ACIN1: variants seen among roughly 807,000 people sequenced by gnomAD.
ACIN1 encodes the protein apoptotic chromatin condensation inducer 1.
A neutral mutation model predicts 146.6 loss-of-function variants in ACIN1; 16 were observed. The observed-to-expected ratio is 0.11, with a 90% confidence interval of 0.07 to 0.17. The LOEUF is 0.17. Among genes scored for constraint, ACIN1 ranks in the 10% least tolerant of loss-of-function variants. ACIN1 has a pLI of 1.00. For synonymous variants in ACIN1, 569 were observed against 582.7 expected, an observed-to-expected ratio of 0.98 and a Z score of 0.34; for missense variants, 1,357 against 1,609.3, an observed-to-expected ratio of 0.84 and a Z score of 2.68.
At chr14:23,093,224 G>A (rs1308748766) in intron 2 of ACIN1, among the ~76,000 whole-genome samples, 3 of 152,168 alleles carry the variant, frequency 2.0e-5, no homozygotes, top group Non-Finnish European at 4.4e-5. Context: ...CGTAATTAAT[G>A]GAAGCCACAC....
rs539463149 is a variant in ACIN1, at chr14:23,071,744, A to AC, written c.2124-2128dup. 129 of 503,500 alleles carry AC rather than the reference A, an allele frequency of 2.6e-4. No individual in the cohort carries two copies. In the East Asian group the frequency reaches 3.1e-3, roughly 12 times the overall value. 31.2% of individuals were successfully genotyped at this position (503,500 alleles called of 1,614,324 possible). A position where few individuals can be genotyped will look rare whatever the true frequency, so the allele number is the denominator to read the frequency against. ...AAGTTACAGCAGCTACAGAGGCTTA[A>AC]CCCCCCAGGGCTGGAGTGCTCCCTC... On this transcript the variant is annotated intron_variant, in intron 8 of 18. Transcript: ENST00000605057.
intron 8 of ACIN1, 54 bp from the exon 9 acceptor site, chr14:23,069,671 AAG>A (rs955946087): frequency 3.3e-6 from 5 of 1,535,402 alleles, no homozygotes; most frequent in South Asian, 1.2e-5. Context: ...AACCAAGGGG[AAG>A]AGAGAGCAAG....
Position 23,064,122 on chromosome 14 carries a change from A to G in ACIN1, c.2578T>C (p.Cys860Arg). The change falls in exon 12 of 19, where the codon TGC (cysteine) becomes CGC (arginine). Residue 860 changes from cysteine to arginine, a missense_variant. Cys to Arg is a radical substitution (Grantham distance 180, BLOSUM62 -3). This residue lies in a region of ACIN1 where 509 missense variants were observed against 719.6 expected (regional missense o/e 0.71). Coordinates refer to ENST00000605057, the MANE Select transcript of ACIN1 (RefSeq NM_001386863.1). Reference protein sequence around the residue: ...DGTHDKGLKICRTVTQVVPAE... With the variant: ...DGTHDKGLKIRRTVTQVVPAE... ...AGCCTTACCTGAGTGACTGTCCGGC[A>G]TATTTTCAGCCCCTTGTCATGGGTC... The G allele has an allele frequency of 6.2e-7, 1 of 1,614,148 alleles. No individual in the cohort carries two copies. Among genetic ancestry groups the G allele is most frequent in the Non-Finnish European group, 8.5e-7 (1 of 1,180,034 alleles).
rs533291649 is a variant in ACIN1 at position 23,081,677 on chromosome 14, A to G, written c.525+71T>C. ...AAATGTAGAGACATACAAACTCAAA[A>G]CAAGTCTGAAGAAGAGAAGATATCC... On this transcript the variant is annotated intron_variant, in intron 5 of 18. Transcript: ENST00000605057. 8.9e-6 allele frequency: 12 copies of G among 1,348,000 alleles called. 1 individual carries two copies. In the East Asian group the frequency reaches 2.6e-4, roughly 29 times the overall value. The allele number at this position is 1,348,000 out of a possible 1,614,324, so 83.5% of individuals were successfully genotyped here. A position where few individuals can be genotyped will look rare whatever the true frequency, so the allele number is the denominator to read the frequency against.
chr14:23,067,444 G>A lies in ACIN1; in HGVS notation c.2266-1436C>T, dbSNP rs955479478. 4.1e-6 allele frequency: 4 copies of A among 985,162 alleles called. No individual in the cohort carries two copies. Among genetic ancestry groups the A allele is most frequent in the Non-Finnish European group, 4.8e-6 (4 of 829,880 alleles). The allele number at this position is 985,162 out of a possible 1,614,324, so 61.0% of individuals were successfully genotyped here. A position where few individuals can be genotyped will look rare whatever the true frequency, so the allele number is the denominator to read the frequency against. On this transcript the variant is annotated intron_variant, in intron 9 of 18. Coordinates refer to ENST00000605057, the MANE Select transcript of ACIN1 (RefSeq NM_001386863.1). This position sits in a 1 kb window ranked among gnomAD's most constrained non-coding sequence, Gnocchi z 4.6. ...GGGGGTTGGGTTGGCAAAAAAGGTG[G>A]GCGCACGGCGTGGTAGTCAGCACGG...
chr14:23,091,556 C>G (rs1212321111), intron 2 of ACIN1, among the ~76,000 whole-genome samples: 1 of 139,798 alleles, frequency 7.2e-6, no homozygotes, highest in Non-Finnish European at 1.5e-5. Flanking sequence ...AAGAGCAAGA[C>G]TCCATCTCAA....
intron 1 of ACIN1, chr14:23,094,637 A>G: frequency 2.4e-6 from 2 of 843,918 alleles, no homozygotes; most frequent in South Asian, 3.2e-5. Flanking sequence ...GCAACGCCGT[A>G]GGTTGTAGTG....
chr14:23,064,364 T>G lies in ACIN1; in HGVS notation c.2433A>C (p.Glu811Asp). Residue 811 changes from glutamate (E) to aspartate (D), a missense_variant, in exon 11 of 19, where the codon GAA (glutamate) becomes GAC (aspartate). By Grantham distance (45) the Glu-to-Asp change is conservative. Coordinates refer to ENST00000605057, the MANE Select transcript of ACIN1 (RefSeq NM_001386863.1). ...QKKPSISITT[E>D]SLKSLIPDIK... is the part of the protein sequence containing the mutation. ...GCTCCTCCCACCTCACCTTTAGTGA[T>G]TCAGTGGTGATACTGATGGAAGGTT... 1 of 1,614,266 alleles carries G rather than the reference T, an allele frequency of 6.2e-7. No individual in the cohort carries two copies. The highest frequency in any genetic ancestry group is 8.5e-7 in the Non-Finnish European group (1 of 1,180,046).
intron 7 of ACIN1, 122 bp from the exon 8 acceptor site, chr14:23,078,388 C>A: frequency 1.5e-6 from 1 of 661,578 alleles, no homozygotes; most frequent in Non-Finnish European, 2.6e-6. Context: ...CACACACGGC[C>A]CTCTGTATCT....
At position 23,066,027 on chromosome 14, in the gene ACIN1, G is replaced by C; in HGVS notation, c.2266-19C>G. 6.2e-7 allele frequency: 1 copy of C among 1,610,882 alleles called. No individual in the cohort carries two copies. Among genetic ancestry groups the C allele is most frequent in the South Asian group, 1.1e-5 (1 of 90,762 alleles). The stretch of plus-strand genomic sequence containing the variant: ...GCGAGCTCTGTATGAAGAAGAAAAA[G>C]GGGAAAAAAAAGAGAAAGAGAGACA... On this transcript the variant is annotated intron_variant, in intron 9 of 18. Coordinates refer to ENST00000605057, the MANE Select transcript of ACIN1 (RefSeq NM_001386863.1).
rs927716242 is a variant in ACIN1 at position 23,067,498 on chromosome 14, G to T, written c.2266-1490C>A. ...TGCCAGAGTCCTCCCAGGGGCGCAGGGGGGGCGGGAGGGAAACGTGTGGGG... is the reference window on the plus strand; with the variant it reads ...TGCCAGAGTCCTCCCAGGGGCGCAGTGGGGGCGGGAGGGAAACGTGTGGGG... On this transcript the variant is annotated intron_variant, in intron 9 of 18. Coordinates refer to ENST00000605057, the MANE Select transcript of ACIN1 (RefSeq NM_001386863.1). The surrounding 1 kb of genome is among the most constrained non-coding windows in gnomAD (Gnocchi z 4.6). 2.9e-5 allele frequency: 28 copies of T among 981,134 alleles called. No individual in the cohort carries two copies. The highest frequency in any genetic ancestry group is 3.1e-5 in the Non-Finnish European group (26 of 826,152). 60.8% of individuals were successfully genotyped at this position (981,134 alleles called of 1,614,324 possible). A position where few individuals can be genotyped will look rare whatever the true frequency, so the allele number is the denominator to read the frequency against.
chr14:23,079,719 T>C lies in ACIN1; in HGVS notation c.1616A>G (p.Asp539Gly), dbSNP rs747762869. 3 of 1,613,884 alleles carry C rather than the reference T, an allele frequency of 1.9e-6. No homozygotes were observed. The highest frequency in any genetic ancestry group is 2.5e-6 in the Non-Finnish European group (3 of 1,180,004). The change falls in exon 6 of 19, where the codon GAC (aspartate) becomes GGC (glycine). Residue 539 changes from aspartate to glycine, a missense_variant. By Grantham distance (94) the Asp-to-Gly change is moderately conservative. Transcript: ENST00000605057. ...TGAATGAGACCGAGAACCTGAACTG[T>C]CAGGAGAGCGAGATCTTGATCTAGA... The part of the protein sequence containing the change: ...SSSRSRSRSP[D>G]SSGSRSHSPL...
At chr14:23,071,217 A>C (rs1462904563) in intron 8 of ACIN1, 2 of 1,516,108 alleles carry the variant, frequency 1.3e-6, no homozygotes, top group Admixed American at 5.1e-5. Context: ...AAAACCAAAC[A>C]AAAAAAATCC....
At position 23,079,813 on chromosome 14, in the gene ACIN1, G is replaced by A. The variant is rs115370646; in HGVS notation, c.1522C>T (p.Pro508Ser). 6.8e-5 allele frequency: 109 copies of A among 1,614,182 alleles called. No individual in the cohort carries two copies. The East Asian group carries it at 1.7e-3, about 26-fold the overall frequency. The stretch of plus-strand genomic sequence containing the variant: ...GCTGACTGTTTCAATCTGTGGCTTG[G>A]GAGAAGGGTATGAGAAGCTCTTCTG... ...EGRRASHTLLPSHRLKQSADS... is the reference protein window; with the variant it reads ...EGRRASHTLLSSHRLKQSADS... Residue 508 changes from proline to serine, a missense_variant, in exon 6 of 19, where the codon CCA becomes TCA. By Grantham distance (74) the Pro-to-Ser change is moderately conservative (BLOSUM62 -1). This residue lies in a region of ACIN1 where 771 missense variants were observed against 746.6 expected (regional missense o/e 1.03). Transcript: ENST00000605057.
chr14:23,076,641 C>T (rs1294327912), intron 8 of ACIN1: 1 of 152,220 alleles, frequency 6.6e-6, no homozygotes, highest in Non-Finnish European at 1.5e-5. Flanking sequence ...CAGAAAATCA[C>T]TTTCTTCCCA....
upstream of ACIN1, chr14:23,095,364 T>A: frequency 6.7e-7 from 1 of 1,500,502 alleles, no homozygotes; most frequent in Non-Finnish European, 9.0e-7. Flanking sequence ...TTTCTTCGTC[T>A]TGCCGAAGCT....
At chr14:23,077,546 A>G (rs1697099858) in intron 8 of ACIN1, among the ~76,000 whole-genome samples, 1 of 152,204 alleles carries the variant, frequency 6.6e-6, no homozygotes, top group Admixed American at 6.5e-5. Flanking sequence ...GACTTAATAT[A>G]AAGATTTTAA....
rs544683948 is a variant in ACIN1, at chr14:23,072,479, G to A, written c.2124-2862C>T. The stretch of plus-strand genomic sequence containing the variant: ...GGGGAAGATCAGCTGGGCAGAAAGC[G>A]ACTGGGAACTAAGCAGAAAATATTA... On this transcript the variant is annotated intron_variant, in intron 8 of 18. Transcript: ENST00000605057. 2.0e-3 allele frequency among the ~76,000 whole-genome samples: 308 copies of A among 152,272 alleles called. 1 individual carries two copies. Among genetic ancestry groups the A allele is most frequent in the Non-Finnish European group, 2.9e-3 (197 of 68,004 alleles).
At chr14:23,095,188 AC>A (rs868582509), upstream of ACIN1, 2 of 1,614,082 alleles carry the variant, frequency 1.2e-6, no homozygotes, top group Non-Finnish European at 1.7e-6. Context: ...CTTCGAACGT[AC>A]CGAGATGACC....
Sources: gnomAD v4.1 joint callset for allele counts (sites outside exome capture counted in the v4.1 genomes callset) on GRCh38, gnomAD v4.1.1 for gene constraint, gnomAD v4.1.1 regional missense constraint, Gnocchi (gnomAD v3.1) non-coding constraint, MANE v1.5 for transcripts, NCBI Gene and HGNC (gene_info 2026-07-23, HGNC 2026-07-21) for gene names.